ZC3H4: variants seen among roughly 807,000 people sequenced by gnomAD.
ZC3H4 encodes the protein zinc finger CCCH domain-containing protein 4.
A neutral mutation model predicts 108.3 loss-of-function variants in ZC3H4; 13 were observed. The observed-to-expected ratio is 0.12, with a 90% CI of 0.08 to 0.19. The LOEUF (loss-of-function observed/expected upper bound fraction) is 0.19, where lower values mean the gene tolerates loss of function less well. Among genes scored for constraint, ZC3H4 ranks in the 10% least tolerant of loss-of-function variants. The pLI is 1.00. For synonymous variants in ZC3H4, 917 were observed against 749.6 expected (o/e 1.22, Z -3.65); for missense variants, 1,734 against 1,838.8 (o/e 0.94, Z 1.04).
chr19:47,112,625 G>C (rs1483461491), intron 1 of ZC3H4, 36 bp from the exon 2 acceptor site: 2 of 1,217,860 alleles, frequency 1.6e-6, no homozygotes, highest in Non-Finnish European at 2.1e-6. Flanking sequence ...CACGAAAAAG[G>C]ACTGCTTGGG....
In ZC3H4 at chr19:47,104,797, C is replaced by T. The variant is rs535015580; in HGVS notation, c.161+7627G>A. Among the ~76,000 whole-genome samples the T allele has an allele frequency of 1.3e-4, 20 of 152,310 alleles. No individual in the cohort carries two copies. The South Asian group carries it at 3.9e-3, about 30-fold the overall frequency. Reference sequence around the variant, plus strand: ...CCTGGAATCCCAAGGAAACCTAAGCCCTGGTGTCTGTTAGGAAAATGAGGA... The same window carrying T: ...CCTGGAATCCCAAGGAAACCTAAGCTCTGGTGTCTGTTAGGAAAATGAGGA... On this transcript the variant is annotated intron_variant, in intron 2 of 14. Coordinates refer to ENST00000253048, the MANE Select transcript of ZC3H4 (RefSeq NM_015168.2).
intron 4 of ZC3H4, among the ~76,000 whole-genome samples, chr19:47,091,068 G>A (rs1568555871): frequency 6.6e-6 from 1 of 151,552 alleles, no homozygotes; most frequent in African/African-American, 2.4e-5. Context: ...AGATGCAGAC[G>A]CGAAATGCGA....
chr19:47,080,487 A>G (rs1248573493), intron 11 of ZC3H4, among the ~76,000 whole-genome samples: 1 of 152,024 alleles, frequency 6.6e-6, no homozygotes, highest in Non-Finnish European at 1.5e-5. Flanking sequence ...GTCTTTGTGT[A>G]TCTTTGGTTT....
intron 2 of ZC3H4, among the ~76,000 whole-genome samples, chr19:47,095,983 A>T (rs2057814028): frequency 6.6e-6 from 1 of 152,186 alleles, no homozygotes; most frequent in Non-Finnish European, 1.5e-5. Flanking sequence ...CCAATGTATT[A>T]GGCGTGCTTG....
At chr19:47,096,593 C>T (rs925674896) in intron 2 of ZC3H4, among the ~76,000 whole-genome samples, 1 of 152,220 alleles carries the variant, frequency 6.6e-6, no homozygotes, top group Non-Finnish European at 1.5e-5. Context: ...GCCAGGGCCA[C>T]ACCTCAAGAG....
intron 11 of ZC3H4, among the ~76,000 whole-genome samples, chr19:47,077,672 G>A (rs2057447098): frequency 2.0e-5 from 3 of 152,070 alleles, no homozygotes; most frequent in Admixed American, 2.0e-4. Context: ...CCTGACAAAC[G>A]TGGAGAAACC....
In ZC3H4 at chr19:47,093,994, T is replaced by C. The variant is rs754501324; in HGVS notation, c.468A>G (p.Arg156=). The part of the protein sequence containing the change: ...SPSEKGHRKY[R]EYSPPYAPSH... The stretch of plus-strand genomic sequence containing the variant: ...CCGGCGCATATGGGGGGCTGTACTC[T>C]CTGTACTTGCGGTGACCTTTCTCAC... The change falls in exon 4 of 15, where the codon AGA becomes AGG. Residue 156 remains arginine, a synonymous_variant. Transcript: ENST00000253048. 1.9e-6 allele frequency: 3 copies of C among 1,614,012 alleles called. No homozygotes were observed. Among genetic ancestry groups the C allele is most frequent in the African/African-American group, 1.3e-5 (1 of 74,922 alleles).
At chr19:47,094,853 C>A (rs897763824) in intron 2 of ZC3H4, among the ~76,000 whole-genome samples, 3 of 152,196 alleles carry the variant, frequency 2.0e-5, no homozygotes, top group African/African-American at 7.2e-5. Context: ...CCACTAACAC[C>A]GGGACACATC....
At chr19:47,110,419 C>G (rs1266972539) in intron 2 of ZC3H4, among the ~76,000 whole-genome samples, 1 of 152,056 alleles carries the variant, frequency 6.6e-6, no homozygotes, top group African/African-American at 2.4e-5. Flanking sequence ...GTTACAGTAA[C>G]ACACTTTTTT....
rs1399525241 is a variant in ZC3H4, at chr19:47,066,646, C to T, written c.3622G>A (p.Gly1208Arg). The change falls in exon 15 of 15, where the codon GGG becomes AGG. Residue 1208 changes from glycine to arginine, a missense_variant. Physicochemically the swap from Gly to Arg is moderately radical, Grantham distance 125. Coordinates refer to ENST00000253048, the MANE Select transcript of ZC3H4 (RefSeq NM_015168.2). ...TTGTATCTGTCCGTGGGGGTGCCCC[C>T]ATCAGCACCGGCCTTCCCTGTCTCT... ...QPETGKAGADGGTPTDRYNSY... is the reference protein window; with the variant it reads ...QPETGKAGADRGTPTDRYNSY... 3.7e-6 allele frequency: 6 copies of T among 1,611,812 alleles called. No homozygotes were observed. The highest frequency in any genetic ancestry group is 3.3e-4 in the Middle Eastern group (2 of 6,070).
intron 11 of ZC3H4, among the ~76,000 whole-genome samples, chr19:47,076,870 G>GT (rs776005673): frequency 3.0e-4 from 46 of 152,078 alleles, no homozygotes; most frequent in Non-Finnish European, 2.8e-4. Context: ...GCACACACCT[G>GT]TAATCCCAGC....
In ZC3H4 at chr19:47,081,508, A is replaced by G. The variant is rs370715304; in HGVS notation, c.1440+5T>C. Reference sequence around the variant, plus strand: ...GCCGGGGGCCCCGTTACCCCCGGACATTACCTTATCCAAGAGCTCCCTCGT... The same window carrying G: ...GCCGGGGGCCCCGTTACCCCCGGACGTTACCTTATCCAAGAGCTCCCTCGT... On this transcript the variant is annotated splice_donor_5th_base_variant and intron_variant, in intron 11 of 14. Coordinates refer to ENST00000253048, the MANE Select transcript of ZC3H4 (RefSeq NM_015168.2). 1.7e-5 allele frequency: 28 copies of G among 1,613,860 alleles called. 1 individual carries two copies. In the African/African-American group the frequency reaches 2.9e-4, roughly 17 times the overall value.
At position 47,066,509 on chromosome 19, in the gene ZC3H4, G is replaced by T. The variant is rs780437648; in HGVS notation, c.3759C>A (p.Pro1253=). 2.5e-6 allele frequency: 4 copies of T among 1,575,104 alleles called. No individual in the cohort carries two copies. Among genetic ancestry groups the T allele is most frequent in the Non-Finnish European group, 3.4e-6 (4 of 1,159,642 alleles). Residue 1253 remains proline (P), a synonymous_variant, in exon 15 of 15, where the codon CCC becomes CCA. Transcript: ENST00000253048. ...PQPGVHNLPV[P]TLFGTVKQTP... is the part of the protein sequence containing the mutation. ...TCTGCTTCACCGTCCCGAAGAGGGT[G>T]GGCACGGGCAGGTTGTGCACCCCGG...
chr19:47,071,430 G>T (rs984062486), intron 13 of ZC3H4, among the ~76,000 whole-genome samples: 2 of 152,130 alleles, frequency 1.3e-5, no homozygotes, highest in South Asian at 4.1e-4. Flanking sequence ...GAACTGCCCG[G>T]AAAGAGATGG....
chr19:47,102,769 C>CAA (rs199731678), intron 2 of ZC3H4, among the ~76,000 whole-genome samples: 1,555 of 103,022 alleles, frequency 0.015, 21 homozygotes, highest in African/African-American at 0.051. Flanking sequence ...GGAATTCTGG[C>CAA]AAAAAAAAAA....
chr19:47,077,812 G>A (rs932993813), intron 11 of ZC3H4, among the ~76,000 whole-genome samples: 9 of 149,922 alleles, frequency 6.0e-5, no homozygotes, highest in Non-Finnish European at 1.0e-4. Context: ...AGCCAAGATC[G>A]CGCCACTGTG....
At position 47,067,623 on chromosome 19, in the gene ZC3H4, G is replaced by A; in HGVS notation, c.2645C>T (p.Pro882Leu). 6.2e-7 allele frequency: 1 copy of A among 1,605,252 alleles called. No individual in the cohort carries two copies. Among genetic ancestry groups the A allele is most frequent in the African/African-American group, 1.3e-5 (1 of 75,020 alleles). Residue 882 changes from proline (P) to leucine (L), a missense_variant, in exon 15 of 15, where the codon CCA (proline) becomes CTA (leucine). Physicochemically the swap from Pro to Leu is moderately conservative, Grantham distance 98. Around this residue, in one of 9 missense-constraint regions of ZC3H4, gnomAD observed 540 missense variants for 484.1 expected, o/e 1.12. Coordinates refer to ENST00000253048, the MANE Select transcript of ZC3H4 (RefSeq NM_015168.2). The surrounding 1 kb of genome is among the most constrained non-coding windows in gnomAD (Gnocchi z 6.4). ...RHVEASGGSGPGDSGPSDPRL... is the reference protein window; with the variant it reads ...RHVEASGGSGLGDSGPSDPRL... ...AGGATCGGAGGGTCCCGAATCACCTGGGCCAGACCCGCCAGAAGCCTCCAC... is the reference window on the plus strand; with the variant it reads ...AGGATCGGAGGGTCCCGAATCACCTAGGCCAGACCCGCCAGAAGCCTCCAC...
intron 4 of ZC3H4, among the ~76,000 whole-genome samples, chr19:47,091,269 C>T (rs2057727232): frequency 6.6e-6 from 1 of 151,640 alleles, no homozygotes; most frequent in Non-Finnish European, 1.5e-5. Flanking sequence ...GAAACAACAA[C>T]TCAAAAAAAT....
chr19:47,098,574 G>A (rs1186294349), intron 2 of ZC3H4, among the ~76,000 whole-genome samples: 1 of 151,542 alleles, frequency 6.6e-6, no homozygotes, highest in Non-Finnish European at 1.5e-5. Context: ...GACTAGCCTT[G>A]CCAACATGGC....
Sources: allele counts gnomAD v4.1 joint callset (sites outside exome capture counted in the v4.1 genomes callset), GRCh38; gene constraint gnomAD v4.1.1; regional missense constraint gnomAD v4.1.1; non-coding constraint Gnocchi (gnomAD v3.1); transcripts MANE v1.5; gene names NCBI Gene and HGNC (gene_info 2026-07-23, HGNC 2026-07-21).